FMN2: variants seen among roughly 807,000 people sequenced by gnomAD.
FMN2 encodes the protein formin-2.
A neutral mutation model predicts 142.3 loss-of-function variants in FMN2; 51 were observed. The observed-to-expected ratio is 0.36, with a 90% CI of 0.29 to 0.45. FMN2 has a LOEUF of 0.45. Among genes scored for constraint, FMN2 ranks in the 20% least tolerant of loss-of-function variants. FMN2 has a pLI of 1.00. For missense variants in FMN2, 1,936 were observed against 2,122.8 expected, an observed-to-expected ratio of 0.91 and a Z score of 1.73; for synonymous variants, 882 against 869.8, an observed-to-expected ratio of 1.01 and a Z score of -0.25.
Position 240,215,949 on chromosome 1 carries a change from TC to T in FMN2, c.4065+4716del, listed in dbSNP as rs563765518. On this transcript the variant is annotated intron_variant, in intron 6 of 17. Transcript: ENST00000319653. The stretch of plus-strand genomic sequence containing the variant: ...GTCTCAAACTCCTGACCTCAGGTGA[TC>T]CGTCTACCTTGGCCTCCCAAAGTGC... 7.6e-3 allele frequency among the ~76,000 whole-genome samples: 1,151 copies of T among 152,318 alleles called. 21 individuals carry two copies. Among genetic ancestry groups the T allele is most frequent in the African/African-American group, 0.027 (1,102 of 41,566 alleles).
In FMN2 at chr1:240,122,075, A is replaced by AATTAATTT. The variant is rs547438686; in HGVS notation, c.1616-1101_1616-1100insAATTTATT. Among the ~76,000 whole-genome samples the AATTAATTT allele has an allele frequency of 3.9e-3, 567 of 146,682 alleles. 4 individuals are homozygous for AATTAATTT. Among genetic ancestry groups the AATTAATTT allele is most frequent in the African/African-American group, 0.013 (535 of 40,300 alleles). ...CTTTTGGATCCAAAATTAATTAATT[A>AATTAATTT]ATTTATTTATTTATTTATGAATTAT... is the stretch of plus-strand genomic sequence containing the variant. On this transcript the variant is annotated intron_variant, in intron 1 of 17. Coordinates refer to ENST00000319653, the MANE Select transcript of FMN2 (RefSeq NM_020066.5).
chr1:240,329,949 G>A (rs1207328364), intron 10 of FMN2, among the ~76,000 whole-genome samples: 4 of 152,132 alleles, frequency 2.6e-5, no homozygotes, highest in East Asian at 1.9e-4. Context: ...TGGCAGAAAC[G>A]ACCAATGTTA....
chr1:240,204,766 A>G (rs890135758), intron 4 of FMN2, among the ~76,000 whole-genome samples: 1 of 152,078 alleles, frequency 6.6e-6, no homozygotes, highest in Admixed American at 6.5e-5. Context: ...AAAAAAGTTT[A>G]CATTTCCTTC....
At chr1:240,310,969 C>G (rs1670585748) in intron 8 of FMN2, among the ~76,000 whole-genome samples, 1 of 151,556 alleles carries the variant, frequency 6.6e-6, no homozygotes, top group Non-Finnish European at 1.5e-5. Flanking sequence ...CAGACCAAAA[C>G]CTGGACATGA....
intron 16 of FMN2, among the ~76,000 whole-genome samples, chr1:240,449,276 G>A (rs1443964302): frequency 1.3e-5 from 2 of 152,094 alleles, no homozygotes; most frequent in Admixed American, 1.3e-4. Context: ...TATGCCCCCT[G>A]GTACCCACTT....
At chr1:240,211,472 A>G (rs550444434) in intron 6 of FMN2, among the ~76,000 whole-genome samples, 2 of 152,346 alleles carry the variant, frequency 1.3e-5, no homozygotes, top group South Asian at 2.1e-4. Flanking sequence ...ATCATAATAC[A>G]TATTTCCAAA....
intron 14 of FMN2, among the ~76,000 whole-genome samples, chr1:240,366,103 AG>A (rs1672660366): frequency 6.6e-6 from 1 of 152,218 alleles, no homozygotes; most frequent in African/African-American, 2.4e-5. Context: ...AACAAAAATA[AG>A]GTTATATTAT....
intron 14 of FMN2, among the ~76,000 whole-genome samples, chr1:240,376,351 T>G (rs1023522844): frequency 1.3e-5 from 2 of 152,088 alleles, no homozygotes; most frequent in African/African-American, 4.8e-5. Context: ...TGAGTTTAAT[T>G]TATGATCTTT....
At chr1:240,108,621 A>G (rs1230318465) in intron 1 of FMN2, among the ~76,000 whole-genome samples, 1 of 152,206 alleles carries the variant, frequency 6.6e-6, no homozygotes, top group Non-Finnish European at 1.5e-5. Flanking sequence ...ATTTAACGTG[A>G]CAAGACATCT....
chr1:240,260,834 A>G (rs372002916), intron 7 of FMN2, among the ~76,000 whole-genome samples: 9 of 152,324 alleles, frequency 5.9e-5, no homozygotes, highest in East Asian at 1.9e-4. Flanking sequence ...GCTTAAGCCA[A>G]TGTCTAGAAG....
At chr1:240,346,948 A>G (rs962384955) in intron 13 of FMN2, among the ~76,000 whole-genome samples, 27 of 152,226 alleles carry the variant, frequency 1.8e-4, no homozygotes, top group Non-Finnish European at 3.5e-4. Context: ...GGGAAAAACA[A>G]TCTGAGAAAC....
intron 4 of FMN2, among the ~76,000 whole-genome samples, chr1:240,197,703 G>A (rs958081999): frequency 6.6e-6 from 1 of 150,682 alleles, no homozygotes; most frequent in Non-Finnish European, 1.5e-5. Flanking sequence ...AATAGGGAAA[G>A]CATTGTGGTT....
At chr1:240,336,107 C>T (rs1482981964) in intron 13 of FMN2, among the ~76,000 whole-genome samples, 1 of 152,116 alleles carries the variant, frequency 6.6e-6, no homozygotes, top group African/African-American at 2.4e-5. Context: ...TGTGCTATTG[C>T]ACTCCAGCCT....
intron 16 of FMN2, among the ~76,000 whole-genome samples, chr1:240,445,718 T>TTCCGG (rs1388118483): frequency 6.8e-6 from 1 of 147,002 alleles, no homozygotes; most frequent in South Asian, 2.1e-4. Flanking sequence ...TTTTTTTTTC[T>TTCCGG]GGAGAGAAAA....
chr1:240,376,671 G>T (rs1220253146), intron 14 of FMN2, among the ~76,000 whole-genome samples: 3 of 152,084 alleles, frequency 2.0e-5, no homozygotes, highest in East Asian at 3.8e-4. Context: ...ATATGAGGAT[G>T]TGTGTAGGTT....
At chr1:240,371,588 G>A (rs1007092702) in intron 14 of FMN2, among the ~76,000 whole-genome samples, 1 of 152,128 alleles carries the variant, frequency 6.6e-6, no homozygotes, top group African/African-American at 2.4e-5. Context: ...GGGTCCATTT[G>A]TATAGTTACC....
At chr1:240,160,479 AATGTATATAATAT>A (rs1413372014) in intron 2 of FMN2, among the ~76,000 whole-genome samples, 3 of 149,156 alleles carry the variant, frequency 2.0e-5, no homozygotes, top group Admixed American at 6.7e-5. Flanking sequence ...CATTATATAT[AATGTATATAATAT>A]ATGTATATAA....
At chr1:240,162,595 T>TA (rs1664323322) in intron 2 of FMN2, among the ~76,000 whole-genome samples, 1 of 82,902 alleles carries the variant, frequency 1.2e-5, no homozygotes, top group African/African-American at 6.2e-5. Flanking sequence ...TGTAAAGTTA[T>TA]TCTAATATCT....
chr1:240,242,603 G>A (rs1466652984), intron 6 of FMN2, among the ~76,000 whole-genome samples: 2 of 152,190 alleles, frequency 1.3e-5, no homozygotes. Flanking sequence ...CCAAACTGAA[G>A]TCTAAAATAT....
Sources: gnomAD v4.1 joint callset for allele counts (sites outside exome capture counted in the v4.1 genomes callset) on GRCh38, gnomAD v4.1.1 for gene constraint, MANE v1.5 for transcripts, NCBI Gene and HGNC (gene_info 2026-07-23, HGNC 2026-07-21) for gene names.